SEMA6D: variants seen among roughly 807,000 people sequenced by gnomAD.
SEMA6D encodes the protein semaphorin 6D.
In SEMA6D, 35 loss-of-function variants were observed where a neutral mutation model predicts 106.6. The observed-to-expected ratio is 0.33, with a 90% CI of 0.25 to 0.44. The LOEUF is 0.44. Among genes scored for constraint, SEMA6D ranks in the 20% least tolerant of loss-of-function variants. The pLI, the probability that SEMA6D is intolerant of heterozygous loss-of-function variation, is 1.00. For synonymous variants in SEMA6D, 499 were observed against 487.7 expected (o/e 1.02, Z -0.31); for missense variants, 1,185 against 1,345.9 (o/e 0.88, Z 1.87).
chr15:47,541,683 CG>C (rs1343722866), intron 3 of SEMA6D, among the ~76,000 whole-genome samples: 2 of 152,132 alleles, frequency 1.3e-5, no homozygotes, highest in African/African-American at 4.8e-5. Context: ...TACAGATGAT[CG>C]GGGGAATAGC....
chr15:47,588,682 A>G (rs1446208911), intron 3 of SEMA6D, among the ~76,000 whole-genome samples: 2 of 152,324 alleles, frequency 1.3e-5, no homozygotes, highest in Admixed American at 6.5e-5. Flanking sequence ...CCGTCTGTGA[A>G]GGAAAAAGTA....
chr15:47,359,791 C>T (rs1401134032), intron 1 of SEMA6D: 1 of 152,066 alleles, frequency 6.6e-6, no homozygotes, highest in African/African-American at 2.4e-5. Context: ...AGAATTAGCT[C>T]CAATCTTACG....
At chr15:47,224,691 A>C (rs1566936079) in intron 1 of SEMA6D, among the ~76,000 whole-genome samples, 1 of 152,084 alleles carries the variant, frequency 6.6e-6, no homozygotes. Context: ...ATAAATGACT[A>C]TGAAAGAAAA....
intron 1 of SEMA6D, among the ~76,000 whole-genome samples, chr15:47,377,626 C>T (rs1194160260): frequency 2.6e-5 from 4 of 152,140 alleles, no homozygotes; most frequent in African/African-American, 9.7e-5. Flanking sequence ...AGATGTTCTA[C>T]CATCCTGTGG....
At chr15:47,504,169 G>A (rs16952896) in intron 3 of SEMA6D, among the ~76,000 whole-genome samples, 39,717 of 152,090 alleles carry the variant, frequency 0.26, 5,740 homozygotes, top group East Asian at 0.48. Context: ...TCACCAAAGG[G>A]TTTGAAATAG....
At chr15:47,629,171 C>T (rs1444691309) in intron 4 of SEMA6D, among the ~76,000 whole-genome samples, 1 of 152,020 alleles carries the variant, frequency 6.6e-6, no homozygotes. Flanking sequence ...AAATCGATTC[C>T]TCCCAATATA....
At chr15:47,188,649 G>T (rs534982829) in intron 1 of SEMA6D, among the ~76,000 whole-genome samples, 1 of 152,086 alleles carries the variant, frequency 6.6e-6, no homozygotes, top group Non-Finnish European at 1.5e-5. Context: ...CTTTCCAAAT[G>T]ACCTTACTTT....
intron 3 of SEMA6D, among the ~76,000 whole-genome samples, chr15:47,496,274 G>C (rs1405904064): frequency 6.6e-6 from 1 of 152,028 alleles, no homozygotes; most frequent in African/African-American, 2.4e-5. Flanking sequence ...GAAAGTGCTG[G>C]TGCTATTTAA....
intron 1 of SEMA6D, among the ~76,000 whole-genome samples, chr15:47,743,689 G>C (rs2080952428): frequency 6.6e-6 from 1 of 152,172 alleles, no homozygotes; most frequent in South Asian, 2.1e-4. Flanking sequence ...GACAAGAAGA[G>C]CATTCCAGGT....
chr15:47,296,116 A>G (rs2035793137), intron 1 of SEMA6D, among the ~76,000 whole-genome samples: 1 of 152,206 alleles, frequency 6.6e-6, no homozygotes, highest in South Asian at 2.1e-4. Context: ...AAAGACTTGC[A>G]TTTCAAATTG....
At chr15:47,267,133 A>G (rs1290298641) in intron 1 of SEMA6D, among the ~76,000 whole-genome samples, 1 of 152,132 alleles carries the variant, frequency 6.6e-6, no homozygotes, top group East Asian at 1.9e-4. Flanking sequence ...TTCAAGAAGA[A>G]TTCTTGAACA....
At chr15:47,317,031 C>T (rs577606035) in intron 1 of SEMA6D, among the ~76,000 whole-genome samples, 117 of 152,084 alleles carry the variant, frequency 7.7e-4, no homozygotes, top group Non-Finnish European at 9.0e-4. Context: ...ACTAGTGAAT[C>T]TGTCTGGGCT....
chr15:47,673,071 A>G (rs1386190537), intron 4 of SEMA6D, among the ~76,000 whole-genome samples: 1 of 152,140 alleles, frequency 6.6e-6, no homozygotes. Flanking sequence ...CAGGTCATGA[A>G]TGACATATGC....
intron 4 of SEMA6D, among the ~76,000 whole-genome samples, chr15:47,615,974 C>A (rs2076998952): frequency 6.6e-6 from 1 of 152,168 alleles, no homozygotes; most frequent in South Asian, 2.1e-4. Context: ...CATGTTGAGG[C>A]CCAATTCAAA....
At chr15:47,354,531 T>G (rs1367133664) in intron 1 of SEMA6D, among the ~76,000 whole-genome samples, 1 of 148,832 alleles carries the variant, frequency 6.7e-6, no homozygotes, top group African/African-American at 2.4e-5. Flanking sequence ...TATATATATA[T>G]ACACACATAT....
chr15:47,672,337 C>T (rs927209558), intron 4 of SEMA6D, among the ~76,000 whole-genome samples: 5 of 152,200 alleles, frequency 3.3e-5, no homozygotes, highest in South Asian at 2.1e-4. Context: ...TTTTCCCTAT[C>T]GGAAACAGAT....
In SEMA6D at chr15:47,768,679, C is replaced by G; in HGVS notation, c.1864C>G (p.Arg622Gly). ...DTWRPKLTSS[R>G]KFVVQDDPNT... ...CTGGAGACCTAAACTGACAAGCTCT[C>G]GGAAATTTGTAGTTCAAGATGATCC... Residue 622 changes from arginine (R) to glycine (G), a missense_variant, in exon 18 of 19, where the codon CGG becomes GGG. Around this residue, in one of 3 missense-constraint regions of SEMA6D, gnomAD observed 750 missense variants for 783.5 expected, o/e 0.96. Coordinates refer to ENST00000536845, the MANE Select transcript of SEMA6D (RefSeq NM_001358351.3). 1 of 1,613,662 alleles carries G rather than the reference C, an allele frequency of 6.2e-7. No homozygotes were observed. The highest frequency in any genetic ancestry group is 8.5e-7 in the Non-Finnish European group (1 of 1,179,682).
chr15:47,186,932 T>A (rs1242686286), intron 1 of SEMA6D, among the ~76,000 whole-genome samples: 1 of 152,166 alleles, frequency 6.6e-6, no homozygotes, highest in Non-Finnish European at 1.5e-5. Flanking sequence ...GTTGCCAAGA[T>A]AATTATATCA....
At chr15:47,466,927 C>G (rs754745271) in intron 2 of SEMA6D, among the ~76,000 whole-genome samples, 9 of 150,052 alleles carry the variant, frequency 6.0e-5, no homozygotes, top group Non-Finnish European at 1.3e-4. Context: ...TGAGGTTTCA[C>G]CATGTTGGCC....
Sources: gnomAD v4.1 joint callset for allele counts (sites outside exome capture counted in the v4.1 genomes callset) on GRCh38, gnomAD v4.1.1 for gene constraint, gnomAD v4.1.1 regional missense constraint, MANE v1.5 for transcripts, NCBI Gene and HGNC (gene_info 2026-07-23, HGNC 2026-07-21) for gene names.